The following MERTK variants were observed in gnomAD, a reference collection of about 807,000 sequenced individuals.
MERTK encodes tyrosine-protein kinase Mer.
In MERTK, 69 loss-of-function variants were observed where a neutral mutation model predicts 99.3. That is an observed-to-expected ratio of 0.70 (90% CI 0.57 to 0.85). The LOEUF (loss-of-function observed/expected upper bound fraction) is 0.85. MERTK is among the 40% of genes least tolerant of loss of function. MERTK has a pLI of 0.00. For synonymous variants in MERTK, 426 were observed against 467.6 expected, an observed-to-expected ratio of 0.91 and a Z score of 1.15; for missense variants, 1,125 against 1,249.4, an observed-to-expected ratio of 0.90 and a Z score of 1.50.
intron 4 of MERTK, among the ~76,000 whole-genome samples, chr2:111,963,385 T>C (rs1001785267): frequency 1.3e-5 from 2 of 152,028 alleles, no homozygotes; most frequent in African/African-American, 2.4e-5. Flanking sequence ...TCAGCACAGA[T>C]CCTTTACGGG....
At chr2:111,984,010 A>G (rs1473283877) in intron 8 of MERTK, among the ~76,000 whole-genome samples, 1 of 152,232 alleles carries the variant, frequency 6.6e-6, no homozygotes, top group Non-Finnish European at 1.5e-5. Context: ...AAATTGACTC[A>G]TGCAATTACA....
At chr2:111,915,112 T>C (rs2104670698) in intron 1 of MERTK, among the ~76,000 whole-genome samples, 1 of 152,300 alleles carries the variant, frequency 6.6e-6, no homozygotes, top group Middle Eastern at 3.4e-3. Context: ...GTGGGGTACA[T>C]TGTGATAGTT....
chr2:111,920,795 C>T (rs1421323718), intron 1 of MERTK, among the ~76,000 whole-genome samples: 1 of 152,112 alleles, frequency 6.6e-6, no homozygotes, highest in Non-Finnish European at 1.5e-5. Flanking sequence ...GCTGGGATTA[C>T]AGGCGCCTGC....
In MERTK at chr2:111,968,179, C is replaced by G; in HGVS notation, c.887C>G (p.Thr296Ser). 6.2e-7 allele frequency: 1 copy of G among 1,614,064 alleles called. No individual in the cohort carries two copies. The highest frequency in any genetic ancestry group is 8.5e-7 in the Non-Finnish European group (1 of 1,179,994). Residue 296 changes from threonine (T) to serine (S), a missense_variant, in exon 6 of 19, where the codon ACT becomes AGT. Coordinates refer to ENST00000295408, the MANE Select transcript of MERTK (RefSeq NM_006343.3). Reference sequence around the variant, plus strand: ...ACTGAAGTCAGCATCCGTAACAGCACTGCACACAGCATTCTGATCTCCTGG... The same window carrying G: ...ACTGAAGTCAGCATCCGTAACAGCAGTGCACACAGCATTCTGATCTCCTGG... ...PPTEVSIRNS[T>S]AHSILISWVP...
chr2:111,945,015 A>T lies in MERTK; in HGVS notation c.538A>T (p.Asn180Tyr), dbSNP rs763064062. The change falls in exon 3 of 19, where the codon AAC (asparagine) becomes TAC (tyrosine). Residue 180 changes from asparagine to tyrosine, a missense_variant. Transcript: ENST00000295408. Reference sequence around the variant, plus strand: ...GTCGTATATCTGTAAGATGAAAATAAACAATGAAGAGATCGTGTCTGATCC... The same window carrying T: ...GTCGTATATCTGTAAGATGAAAATATACAATGAAGAGATCGTGTCTGATCC... Reference protein sequence around the residue: ...NGSYICKMKINNEEIVSDPIY... With the variant: ...NGSYICKMKIYNEEIVSDPIY... 8 of 1,613,822 alleles carry T rather than the reference A, an allele frequency of 5.0e-6. No homozygotes were observed. The highest frequency in any genetic ancestry group is 6.8e-6 in the Non-Finnish European group (8 of 1,179,814).
intron 1 of MERTK, among the ~76,000 whole-genome samples, chr2:111,913,359 T>C (rs1191066844): frequency 6.6e-6 from 1 of 152,192 alleles, no homozygotes; most frequent in Non-Finnish European, 1.5e-5. Flanking sequence ...ATGTGCTTTG[T>C]TAGATTTATA....
Position 112,003,926 on chromosome 2 carries a change from AG to A in MERTK, c.1811del (p.Gly604GlufsTer11). On this transcript the variant is annotated frameshift_variant, in exon 13 of 19. Transcript: ENST00000295408. LOFTEE classifies it high-confidence loss of function. ...GEGEFGSVME[G>X]NLKQEDGTSL... ...CAGGAGAGTTTGGGTCTGTAATGGA[AG>A]GAAATCTTAAGCAGGAAGATGGGAC... is the stretch of plus-strand genomic sequence containing the variant. 1 of 1,613,776 alleles carries A rather than the reference AG, an allele frequency of 6.2e-7. No homozygotes were observed. The highest frequency in any genetic ancestry group is 1.1e-5 in the South Asian group (1 of 91,084).
rs1676223879 is a variant in MERTK at position 111,975,302 on chromosome 2, A to T, written c.974A>T (p.Asp325Val). The T allele has an allele frequency of 1.2e-6, 2 of 1,614,066 alleles. No homozygotes were observed. The highest frequency in any genetic ancestry group is 2.7e-5 in the African/African-American group (2 of 74,928). Residue 325 changes from aspartate to valine, a missense_variant, in exon 7 of 19, where the codon GAT becomes GTT. Asp to Val is a radical substitution (Grantham distance 152). Coordinates refer to ENST00000295408, the MANE Select transcript of MERTK (RefSeq NM_006343.3). ...CTCTTCGTTTAGGTCAAGGAAGCTGATCCGCTGAGTAATGGCTCAGTCATG... is the reference window on the plus strand; with the variant it reads ...CTCTTCGTTTAGGTCAAGGAAGCTGTTCCGCTGAGTAATGGCTCAGTCATG... ...RNCSIQVKEA[D>V]PLSNGSVMIF...
intron 1 of MERTK, among the ~76,000 whole-genome samples, chr2:111,899,579 G>A (rs1684004580): frequency 6.6e-6 from 1 of 151,858 alleles, no homozygotes; most frequent in African/African-American, 2.4e-5. Flanking sequence ...GTGCCGCGGC[G>A]CGATCTCGGC....
intron 1 of MERTK, among the ~76,000 whole-genome samples, chr2:111,925,492 G>A (rs1237960477): frequency 2.7e-5 from 4 of 150,316 alleles, no homozygotes; most frequent in East Asian, 2.0e-4. Context: ...TAGTAGAGAC[G>A]GGGTTTCACC....
At chr2:112,012,224 C>T (rs78116208) in intron 15 of MERTK, among the ~76,000 whole-genome samples, 36,114 of 147,454 alleles carry the variant, frequency 0.24, 4,771 homozygotes, top group South Asian at 0.32. Context: ...ATGTGCATTC[C>T]CTTCCCCCCG....
At chr2:111,944,913 C>A in intron 2 of MERTK, 47 bp from the exon 3 acceptor site, 1 of 1,494,090 alleles carries the variant, frequency 6.7e-7, no homozygotes, top group Non-Finnish European at 9.3e-7. Context: ...ATAATAGGAA[C>A]TCAAAGGGTA....
chr2:111,907,777 G>C (rs1439476701), intron 1 of MERTK, among the ~76,000 whole-genome samples: 2 of 152,194 alleles, frequency 1.3e-5, no homozygotes, highest in Non-Finnish European at 2.9e-5. Context: ...AAAATATTTT[G>C]TGATATAAAC....
chr2:111,926,107 A>G (rs1684563299), intron 1 of MERTK, among the ~76,000 whole-genome samples: 1 of 152,212 alleles, frequency 6.6e-6, no homozygotes. Flanking sequence ...CTGGGATTAC[A>G]GGCGTGAGCC....
At chr2:111,970,884 GTTCTT>G (rs1194684743) in intron 6 of MERTK, among the ~76,000 whole-genome samples, 20 of 143,044 alleles carry the variant, frequency 1.4e-4, no homozygotes, top group South Asian at 1.4e-3. Context: ...CCTTCTTCTT[GTTCTT>G]TTCTTGGAAG....
chr2:111,908,914 C>A (rs944149652), intron 1 of MERTK, among the ~76,000 whole-genome samples: 1 of 152,164 alleles, frequency 6.6e-6, no homozygotes. Flanking sequence ...GTGACTGGAA[C>A]ATCTCAACAG....
chr2:111,918,363 G>A (rs543288392), intron 1 of MERTK, among the ~76,000 whole-genome samples: 2 of 152,134 alleles, frequency 1.3e-5, no homozygotes, highest in Non-Finnish European at 2.9e-5. Flanking sequence ...AGTAATTTAC[G>A]TACTGGTAGG....
chr2:111,981,762 C>T (rs1019308030), intron 7 of MERTK, among the ~76,000 whole-genome samples: 1 of 150,458 alleles, frequency 6.6e-6, no homozygotes, highest in Non-Finnish European at 1.5e-5. Context: ...CACACACACA[C>T]ACACTTTTTA....
At chr2:111,985,728 G>A (rs975556663) in intron 8 of MERTK, among the ~76,000 whole-genome samples, 2 of 152,052 alleles carry the variant, frequency 1.3e-5, no homozygotes, top group African/African-American at 2.4e-5. Context: ...AGGATCTCAC[G>A]AGACTCACTG....
Sources: allele counts gnomAD v4.1 joint callset (sites outside exome capture counted in the v4.1 genomes callset), GRCh38; gene constraint gnomAD v4.1.1; transcripts MANE v1.5; gene names NCBI Gene and HGNC (gene_info 2026-07-23, HGNC 2026-07-21).